Variants in HGD observed in about 807,000 individuals in gnomAD.
HGD encodes the protein homogentisate 1,2-dioxygenase.
In HGD, 61 loss-of-function variants were observed where a neutral mutation model predicts 60.8. That is an observed-to-expected ratio of 1.00 (90% CI 0.82 to 1.24). The LOEUF is 1.24. Ranked by LOEUF, HGD falls within the 50% of genes most tolerant of loss-of-function variation. The pLI, the probability that HGD is intolerant of heterozygous loss-of-function variation, is 0.00. For synonymous variants in HGD, 212 were observed against 187.7 expected (o/e 1.13, Z -1.06); for missense variants, 542 against 547.1 (o/e 0.99, Z 0.09).
chr3:120,673,417 A>G (rs1481713868), intron 3 of HGD, among the ~76,000 whole-genome samples: 1 of 152,196 alleles, frequency 6.6e-6, no homozygotes, highest in African/African-American at 2.4e-5. Context: ...AATGGGCCAT[A>G]AAGTCAAGAA....
chr3:120,666,445 G>C (rs2551566), intron 4 of HGD, among the ~76,000 whole-genome samples: 1 of 152,106 alleles, frequency 6.6e-6, no homozygotes, highest in Admixed American at 6.6e-5. Flanking sequence ...GGGTCTGCTA[G>C]AAAACAAGCA....
At chr3:120,642,181 A>G (rs1018932717) in intron 10 of HGD, among the ~76,000 whole-genome samples, 1 of 152,166 alleles carries the variant, frequency 6.6e-6, no homozygotes, top group Admixed American at 6.5e-5. Context: ...AACTCCAAGG[A>G]CTTGAGATTT....
chr3:120,670,583 T>C (rs1289619513), intron 3 of HGD, 51 bp from the exon 4 acceptor site: 1 of 1,040,792 alleles, frequency 9.6e-7, no homozygotes, highest in Non-Finnish European at 1.5e-6. Flanking sequence ...ATGTTCTGAG[T>C]GATACACAGA....
chr3:120,628,277 T>C lies in HGD; in HGVS notation c.*103A>G. On this transcript the variant is annotated 3_prime_UTR_variant, in exon 14 of 14. Transcript: ENST00000283871. ...GAGTTACTTGACTATGAAAAGTGAATTTTCATTTTAACCAACCCCCTCCTC... is the reference window on the plus strand; with the variant it reads ...GAGTTACTTGACTATGAAAAGTGAACTTTCATTTTAACCAACCCCCTCCTC... The C allele has an allele frequency of 7.4e-7, 1 of 1,345,320 alleles. No individual in the cohort carries two copies. Among genetic ancestry groups the C allele is most frequent in the South Asian group, 1.2e-5 (1 of 84,226 alleles). The allele number at this position is 1,345,320 out of a possible 1,614,324, so 83.3% of individuals were successfully genotyped here. A position where few individuals can be genotyped will look rare whatever the true frequency, so the allele number is the denominator to read the frequency against.
intron 4 of HGD, among the ~76,000 whole-genome samples, chr3:120,656,612 C>T (rs866213026): frequency 2.6e-5 from 4 of 151,576 alleles, no homozygotes; most frequent in Non-Finnish European, 2.9e-5. Flanking sequence ...AGTGCAGTGG[C>T]GCGATATTGG....
At chr3:120,644,078 T>C (rs1000692368) in intron 10 of HGD, among the ~76,000 whole-genome samples, 2 of 152,234 alleles carry the variant, frequency 1.3e-5, no homozygotes, top group Admixed American at 6.5e-5. Flanking sequence ...CAGACAGATA[T>C]GGGTTCAAAT....
At chr3:120,641,034 C>G (rs1940953367) in intron 11 of HGD, among the ~76,000 whole-genome samples, 3 of 152,154 alleles carry the variant, frequency 2.0e-5, no homozygotes, top group Admixed American at 6.5e-5. Flanking sequence ...GGCCTGCGAA[C>G]TGAGTGAAAA....
chr3:120,634,252 A>T (rs890639143), intron 12 of HGD, among the ~76,000 whole-genome samples: 1 of 152,208 alleles, frequency 6.6e-6, no homozygotes, highest in African/African-American at 2.4e-5. Flanking sequence ...AGTTAAATTC[A>T]TTGGTCCTAG....
chr3:120,672,251 T>C (rs1276141596), intron 3 of HGD, among the ~76,000 whole-genome samples: 1 of 152,222 alleles, frequency 6.6e-6, no homozygotes, highest in Non-Finnish European at 1.5e-5. Flanking sequence ...CTTTCTTTTC[T>C]TTTTAAAGTG....
At chr3:120,672,505 T>G (rs564919421) in intron 3 of HGD, among the ~76,000 whole-genome samples, 1 of 152,080 alleles carries the variant, frequency 6.6e-6, no homozygotes. Context: ...CCTCAGTGAG[T>G]TGAGTTGGCC....
At chr3:120,672,036 G>C (rs892161472) in intron 3 of HGD, among the ~76,000 whole-genome samples, 3 of 152,096 alleles carry the variant, frequency 2.0e-5, no homozygotes, top group African/African-American at 7.2e-5. Context: ...GCTAATGTAT[G>C]CTGGGCTTAA....
intron 4 of HGD, among the ~76,000 whole-genome samples, chr3:120,653,482 C>T (rs1322798711): frequency 6.6e-6 from 1 of 152,148 alleles, no homozygotes; most frequent in Admixed American, 6.5e-5. Context: ...TTGGCAGGGC[C>T]TCCATCAGGT....
At chr3:120,638,279 C>T (rs886895849) in intron 12 of HGD, among the ~76,000 whole-genome samples, 176 bp downstream of exon 12, 1 of 152,160 alleles carries the variant, frequency 6.6e-6, no homozygotes, top group Admixed American at 6.5e-5. Flanking sequence ...ACACAACTAC[C>T]ATCCCTTAAA....
chr3:120,631,246 T>G (rs1431621672), intron 13 of HGD, among the ~76,000 whole-genome samples: 1 of 151,402 alleles, frequency 6.6e-6, no homozygotes, highest in African/African-American at 2.4e-5. Context: ...TAAAAATAAA[T>G]AAAGAAATAA....
At chr3:120,667,570 T>C (rs1707929474) in intron 4 of HGD, among the ~76,000 whole-genome samples, 1 of 151,948 alleles carries the variant, frequency 6.6e-6, no homozygotes, top group South Asian at 2.1e-4. Flanking sequence ...AGGTTAGGTT[T>C]AAAACCTAAC....
chr3:120,653,047 A>C (rs1941391346), intron 4 of HGD, among the ~76,000 whole-genome samples: 1 of 152,170 alleles, frequency 6.6e-6, no homozygotes, highest in Admixed American at 6.5e-5. Flanking sequence ...CTTTCCTGGC[A>C]TGCCAGCCTC....
intron 4 of HGD, among the ~76,000 whole-genome samples, chr3:120,655,549 A>C (rs1941470729): frequency 6.6e-6 from 1 of 152,208 alleles, no homozygotes; most frequent in African/African-American, 2.4e-5. Flanking sequence ...GGTTCTGATA[A>C]ACTCAGTACT....
intron 8 of HGD, among the ~76,000 whole-genome samples, chr3:120,646,692 G>A (rs149298942): frequency 0.021 from 3,228 of 151,064 alleles, 50 homozygotes; most frequent in Middle Eastern, 0.042. Flanking sequence ...TGCCTCTACT[G>A]CCATTAGTGG....
In HGD at chr3:120,652,647, C is replaced by A; in HGVS notation, c.287G>T (p.Arg96Ile). ...TTTTGGAATCTCAAATGGTTTCCATCTAAGCTGGAAAAAAAATACACATAC... is the reference window on the plus strand; with the variant it reads ...TTTTGGAATCTCAAATGGTTTCCATATAAGCTGGAAAAAAAATACACATAC... ...DEVDPDPNQL[R>I]WKPFEIPKAS... The change falls in exon 5 of 14, where the codon AGA becomes ATA. Residue 96 changes from arginine (R) to isoleucine (I), a missense_variant. Arg to Ile is a moderately conservative substitution (Grantham distance 97). Coordinates refer to ENST00000283871, the MANE Select transcript of HGD (RefSeq NM_000187.4). 6.2e-7 allele frequency: 1 copy of A among 1,611,916 alleles called. No individual in the cohort carries two copies. Among genetic ancestry groups the A allele is most frequent in the Non-Finnish European group, 8.5e-7 (1 of 1,178,318 alleles).
Sources: gnomAD v4.1 joint callset for allele counts (sites outside exome capture counted in the v4.1 genomes callset) on GRCh38, gnomAD v4.1.1 for gene constraint, MANE v1.5 for transcripts, NCBI Gene and HGNC (gene_info 2026-07-23, HGNC 2026-07-21) for gene names.